IFT81: variants seen among roughly 807,000 people sequenced by gnomAD.
IFT81 encodes the protein intraflagellar transport protein 81 homolog.
IFT81 carries 72 observed loss-of-function variants against 102.6 expected under a neutral mutation model. The ratio of observed to expected loss-of-function variants is 0.70; its 90% CI spans 0.58 to 0.85. The LOEUF (loss-of-function observed/expected upper bound fraction) is 0.85. Ranked by LOEUF, IFT81 falls within the 40% of genes least tolerant of loss-of-function variation. IFT81 has a pLI of 0.00. For synonymous variants in IFT81, 237 were observed against 242.7 expected (o/e 0.98, Z 0.22); for missense variants, 723 against 787.3 (o/e 0.92, Z 0.98).
chr12:110,180,395 A>G, intron 11 of IFT81, 27 bp from the exon 12 acceptor site: 1 of 1,485,230 alleles, frequency 6.7e-7, no homozygotes, highest in Non-Finnish European at 9.3e-7. Flanking sequence ...TCTACTCATT[A>G]GATTACATAT....
intron 11 of IFT81, among the ~76,000 whole-genome samples, chr12:110,178,935 T>TATG (rs1455818199): frequency 1.3e-5 from 2 of 151,556 alleles, no homozygotes; most frequent in African/African-American, 4.9e-5. Flanking sequence ...CTTTAAATAT[T>TATG]ATGCTACTTT....
rs74576174 is a variant in IFT81, at chr12:110,215,584, C to T, written c.1849-2460C>T. ...TCAAGTGATCTTCTTGCCTCGGCCT[C>T]CTGAGTAGCTGGGACCACAGGCATG... On this transcript the variant is annotated intron_variant, in intron 18 of 18. Transcript: ENST00000242591. Among the ~76,000 whole-genome samples the T allele has an allele frequency of 6.8e-3, 1,012 of 148,582 alleles. 1 individual carries two copies. The highest frequency in any genetic ancestry group is 9.4e-3 in the Non-Finnish European group (636 of 67,430).
intron 14 of IFT81, among the ~76,000 whole-genome samples, chr12:110,194,891 T>C (rs563913466): frequency 5.3e-5 from 8 of 152,314 alleles, no homozygotes; most frequent in Admixed American, 3.9e-4. Context: ...GTGGGAGGAC[T>C]GAAATCAACC....
At chr12:110,201,402 CA>C (rs533398783) in intron 14 of IFT81, among the ~76,000 whole-genome samples, 4,390 of 90,570 alleles carry the variant, frequency 0.048, 70 homozygotes, top group South Asian at 0.086. Context: ...GCTCTGTCTC[CA>C]AAAAAAAAAA....
chr12:110,204,887 T>C (rs1186702531), intron 15 of IFT81: 1 of 152,414 alleles, frequency 6.6e-6, no homozygotes. Flanking sequence ...GCCTGTTCAC[T>C]TCTGTGTCCT....
chr12:110,169,028 CCTTCCT>C (rs1896597848), intron 11 of IFT81: 1 of 34,460 alleles, frequency 2.9e-5, no homozygotes, highest in Non-Finnish European at 8.1e-5. Context: ...TTCCTCCCTT[CCTTCCT>C]TCCTTCCTTC....
At chr12:110,187,392 T>G (rs980645885) in intron 12 of IFT81, among the ~76,000 whole-genome samples, 2 of 152,018 alleles carry the variant, frequency 1.3e-5, no homozygotes, top group Non-Finnish European at 2.9e-5. Flanking sequence ...GCCTCCTGAG[T>G]AGCTGGGACT....
chr12:110,135,336 G>A lies in IFT81; in HGVS notation c.595G>A (p.Ala199Thr), dbSNP rs776266078. Residue 199 changes from alanine (A) to threonine (T), a missense_variant, in exon 7 of 19, where the codon GCT (alanine) becomes ACT (threonine). Coordinates refer to ENST00000242591, the MANE Select transcript of IFT81 (RefSeq NM_014055.4). ...VEHLKKRVETAQNHQWMLKIA... is the reference protein window; with the variant it reads ...VEHLKKRVETTQNHQWMLKIA... ...TATTCCCTTACTGTAGGTTGAGACA[G>A]CTCAGAATCATCAATGGATGCTTAA... 2 of 1,609,128 alleles carry A rather than the reference G, an allele frequency of 1.2e-6. No homozygotes were observed. Among genetic ancestry groups the A allele is most frequent in the South Asian group, 1.1e-5 (1 of 90,566 alleles).
chr12:110,141,026 C>T (rs986364605), intron 8 of IFT81, among the ~76,000 whole-genome samples: 9 of 145,626 alleles, frequency 6.2e-5, no homozygotes, highest in African/African-American at 2.3e-4. Flanking sequence ...CACGCCTGGC[C>T]TATTTTTTAT....
chr12:110,217,960 A>G (rs1248963805), intron 18 of IFT81, 84 bp from the exon 19 acceptor site: 6 of 920,272 alleles, frequency 6.5e-6, no homozygotes, highest in Admixed American at 2.8e-5. Flanking sequence ...ACTGTAGAAA[A>G]CATACCATAT....
chr12:110,201,317 G>C (rs1012102755), intron 14 of IFT81, among the ~76,000 whole-genome samples: 1 of 151,226 alleles, frequency 6.6e-6, no homozygotes, highest in Non-Finnish European at 1.5e-5. Flanking sequence ...CAGGAGAATC[G>C]CTTGAACCCG....
chr12:110,136,755 CTATT>C lies in IFT81; in HGVS notation c.697-18_697-15del. The C allele has an allele frequency of 6.7e-7, 1 of 1,497,250 alleles. No individual in the cohort carries two copies. The highest frequency in any genetic ancestry group is 1.4e-5 in the African/African-American group (1 of 72,496). 92.7% of individuals were successfully genotyped at this position (1,497,250 alleles called of 1,614,324 possible). A position where few individuals can be genotyped will look rare whatever the true frequency, so the allele number is the denominator to read the frequency against. On this transcript the variant is annotated splice_polypyrimidine_tract_variant and intron_variant, in intron 7 of 18. Coordinates refer to ENST00000242591, the MANE Select transcript of IFT81 (RefSeq NM_014055.4). The stretch of plus-strand genomic sequence containing the variant: ...AGCTTCAGTAGACTAAGCAAGTAAT[CTATT>C]TAATTGTATTTTAAAGCTATTTCAT...
At chr12:110,175,735 C>T (rs1897006679) in intron 11 of IFT81, among the ~76,000 whole-genome samples, 2 of 152,160 alleles carry the variant, frequency 1.3e-5, no homozygotes, top group Admixed American at 6.5e-5. Flanking sequence ...TCCTCCACAT[C>T]ATCACCAACA....
chr12:110,163,031 A>G lies in IFT81; in HGVS notation c.1154A>G (p.Glu385Gly). ...EASVKRNQTR[E>G]FDGTEVLKGD... ...TCAGTAAAGAGAAATCAGACCCGTG[A>G]ATTTGATGGTACTGAAGTTTTAAAG... Residue 385 changes from glutamate to glycine, a missense_variant, in exon 11 of 19, where the codon GAA becomes GGA. Coordinates refer to ENST00000242591, the MANE Select transcript of IFT81 (RefSeq NM_014055.4). 6.2e-7 allele frequency: 1 copy of G among 1,614,040 alleles called. No homozygotes were observed. Among genetic ancestry groups the G allele is most frequent in the East Asian group, 2.2e-5 (1 of 44,858 alleles).
rs1206723532 is a variant in IFT81 at position 110,209,202 on chromosome 12, GA to G, written c.1838del (p.Asn613ThrfsTer21). Reference protein sequence around the residue: ...EQYTKNTAEQENLGKKLREKQ... With the variant: ...EQYTKNTAEQXNLGKKLREKQ... ...GTATACCAAAAATACTGCTGAACAA[GA>G]AAACCTTGGAAAGGTAAGAATTATT... On this transcript the variant is annotated frameshift_variant, in exon 18 of 19. Transcript: ENST00000242591. LOFTEE classifies it high-confidence loss of function. 6.5e-7 allele frequency: 1 copy of G among 1,541,498 alleles called. No individual in the cohort carries two copies. Among genetic ancestry groups the G allele is most frequent in the Admixed American group, 1.7e-5 (1 of 58,506 alleles).
intron 11 of IFT81, among the ~76,000 whole-genome samples, chr12:110,176,854 T>C (rs1897055970): frequency 6.6e-6 from 1 of 152,250 alleles, no homozygotes; most frequent in South Asian, 2.1e-4. Flanking sequence ...AAAACATTTA[T>C]AGCTTTCAGC....
chr12:110,132,970 CT>C (rs11349893), intron 5 of IFT81, among the ~76,000 whole-genome samples: 46,586 of 124,542 alleles, frequency 0.37, 7,288 homozygotes, highest in African/African-American at 0.52. Flanking sequence ...CTTTCTCTCT[CT>C]TTTTTTTTTT....
chr12:110,205,333 G>A, intron 15 of IFT81, 110 bp from the exon 16 acceptor site: 1 of 1,202,982 alleles, frequency 8.3e-7, no homozygotes, highest in Non-Finnish European at 1.1e-6. Context: ...TAAAATTGCA[G>A]AAGAGGAAAT....
At chr12:110,168,557 A>G (rs1593327015) in intron 11 of IFT81, 15 of 421,942 alleles carry the variant, frequency 3.6e-5, no homozygotes, top group Non-Finnish European at 4.4e-5. Flanking sequence ...TGGTCTGATT[A>G]TGCCTGGAGT....
Sources: gnomAD v4.1 joint callset for allele counts (sites outside exome capture counted in the v4.1 genomes callset) on GRCh38, gnomAD v4.1.1 for gene constraint, MANE v1.5 for transcripts, NCBI Gene and HGNC (gene_info 2026-07-23, HGNC 2026-07-21) for gene names.